Variants in LYPD6B observed in about 807,000 individuals in gnomAD.
LYPD6B encodes the protein LY6/PLAUR domain containing 6B, also known as ly6/PLAUR domain-containing protein 6B.
A neutral mutation model predicts 22.8 loss-of-function variants in LYPD6B; 17 were observed. The observed-to-expected ratio is 0.75, with a 90% CI of 0.51 to 1.12. The LOEUF is 1.12. Among genes scored for constraint, LYPD6B ranks in the 50% most tolerant of loss-of-function variants. The probability of loss-of-function intolerance (pLI) is 0.00; values close to 1 mark genes in which losing one functional copy is unlikely to be tolerated. For synonymous variants in LYPD6B, 106 were observed against 91.6 expected (o/e 1.16, Z -0.90); for missense variants, 221 against 258.3 (o/e 0.86, Z 0.99).
chr2:149,153,150 G>A (rs1227492719), intron 2 of LYPD6B, among the ~76,000 whole-genome samples: 1 of 152,202 alleles, frequency 6.6e-6, no homozygotes, highest in Non-Finnish European at 1.5e-5. Context: ...TTCTGTGTAA[G>A]ATATTAACAA....
chr2:149,118,974 C>T (rs562608828), intron 1 of LYPD6B: 4 of 152,054 alleles, frequency 2.6e-5, no homozygotes, highest in Admixed American at 1.3e-4. Context: ...AAATGTAATC[C>T]CAGATACAAA....
At chr2:149,087,295 C>G (rs1685445654) in intron 1 of LYPD6B, among the ~76,000 whole-genome samples, 1 of 152,124 alleles carries the variant, frequency 6.6e-6, no homozygotes, top group Non-Finnish European at 1.5e-5. Flanking sequence ...GTTAAGGAGT[C>G]ATCTATAATA....
At chr2:149,203,876 C>A (rs1448947627) in intron 3 of LYPD6B, among the ~76,000 whole-genome samples, 1 of 152,116 alleles carries the variant, frequency 6.6e-6, no homozygotes, top group African/African-American at 2.4e-5. Flanking sequence ...TTATTAGTGA[C>A]ACATGCAAAA....
chr2:149,142,748 T>C (rs424859), intron 2 of LYPD6B, among the ~76,000 whole-genome samples: 96,827 of 151,972 alleles, frequency 0.64, 30,949 homozygotes, highest in South Asian at 0.75. Flanking sequence ...AAGTGATCCT[T>C]CCATCTTAGC....
chr2:149,102,612 G>C (rs191555195), intron 1 of LYPD6B, among the ~76,000 whole-genome samples: 1 of 152,058 alleles, frequency 6.6e-6, no homozygotes, highest in African/African-American at 2.4e-5. Flanking sequence ...TTTTCTGCAA[G>C]GAAGAGTTTG....
chr2:149,077,806 TGTAAA>T (rs1409700335), intron 1 of LYPD6B, among the ~76,000 whole-genome samples: 3 of 152,196 alleles, frequency 2.0e-5, no homozygotes, highest in Non-Finnish European at 4.4e-5. Context: ...AATTTACTAA[TGTAAA>T]AACTGAAGTT....
intron 3 of LYPD6B, among the ~76,000 whole-genome samples, chr2:149,191,173 C>G (rs375449202): frequency 1.3e-5 from 2 of 152,048 alleles, no homozygotes; most frequent in South Asian, 4.2e-4. Flanking sequence ...GAGCAAACTC[C>G]AGATATATTA....
intron 1 of LYPD6B, among the ~76,000 whole-genome samples, chr2:149,080,419 T>C (rs1186412387): frequency 1.3e-5 from 2 of 152,188 alleles, no homozygotes; most frequent in African/African-American, 4.8e-5. Context: ...AACTATAACA[T>C]GTACATTTTG....
At position 149,215,193 on chromosome 2, in the gene LYPD6B, A is replaced by G. The variant is rs1694111234; in HGVS notation, c.*483A>G. The G allele has an allele frequency of 6.4e-6, 1 of 155,070 alleles. No individual in the cohort carries two copies. The highest frequency in any genetic ancestry group is 1.9e-4 in the East Asian group (1 of 5,334). 9.6% of individuals were successfully genotyped at this position (155,070 alleles called of 1,614,324 possible). On this transcript the variant is annotated 3_prime_UTR_variant, in exon 7 of 7. Transcript: ENST00000409642. ...AGGCAACTGTACGAAGAAAACTTCCAGTGGAACTAATATGAAATCTATTTG... is the reference window on the plus strand; with the variant it reads ...AGGCAACTGTACGAAGAAAACTTCCGGTGGAACTAATATGAAATCTATTTG...
chr2:149,166,622 G>A (rs941508077), intron 3 of LYPD6B, among the ~76,000 whole-genome samples: 1 of 152,112 alleles, frequency 6.6e-6, no homozygotes, highest in Non-Finnish European at 1.5e-5. Flanking sequence ...TCCCATCCTT[G>A]TCTCTTGACT....
chr2:149,085,243 T>C (rs1685334827), intron 1 of LYPD6B, among the ~76,000 whole-genome samples: 1 of 152,210 alleles, frequency 6.6e-6, no homozygotes, highest in Non-Finnish European at 1.5e-5. Flanking sequence ...GTGTTTGCAG[T>C]CCATGGGCCT....
chr2:149,084,977 G>A (rs938959608), intron 1 of LYPD6B, among the ~76,000 whole-genome samples: 19 of 152,256 alleles, frequency 1.2e-4, no homozygotes, highest in Non-Finnish European at 2.1e-4. Flanking sequence ...TCCAGAAGAA[G>A]TACAGACTAG....
chr2:149,053,174 A>G (rs555287665), intron 1 of LYPD6B, among the ~76,000 whole-genome samples: 10 of 152,236 alleles, frequency 6.6e-5, no homozygotes, highest in Non-Finnish European at 1.5e-4. Flanking sequence ...TCGTACATAC[A>G]TACATACATA....
intron 2 of LYPD6B, chr2:149,131,707 G>A (rs1332354771): frequency 6.6e-6 from 1 of 152,158 alleles, no homozygotes; most frequent in African/African-American, 2.4e-5. Flanking sequence ...ATGATCAAAG[G>A]ATGGAAAAGC....
intron 3 of LYPD6B, among the ~76,000 whole-genome samples, chr2:149,174,011 C>T (rs1691062794): frequency 6.6e-6 from 1 of 152,116 alleles, no homozygotes; most frequent in Admixed American, 6.6e-5. Context: ...AATATTGATG[C>T]CTCCTTTCCA....
intron 2 of LYPD6B, among the ~76,000 whole-genome samples, chr2:149,151,018 T>C (rs1689336547): frequency 6.6e-6 from 1 of 152,180 alleles, no homozygotes; most frequent in Admixed American, 6.5e-5. Flanking sequence ...GATGACATTT[T>C]TATCTTTTGA....
rs570038819 is a variant in LYPD6B at position 149,131,035 on chromosome 2, T to G, written c.5+82T>G. 3.3e-6 allele frequency: 3 copies of G among 913,570 alleles called. No homozygotes were observed. The Admixed American group carries it at 5.5e-5, about 17-fold the overall frequency. 56.6% of individuals were successfully genotyped at this position (913,570 alleles called of 1,614,324 possible). On this transcript the variant is annotated intron_variant, in intron 2 of 6. Coordinates refer to ENST00000409642, the MANE Select transcript of LYPD6B (RefSeq NM_177964.5). ...GCTTACCACATGAGCTACTCATGCTTCGCAAAAATATATTAAACATTTGTG... is the reference window on the plus strand; with the variant it reads ...GCTTACCACATGAGCTACTCATGCTGCGCAAAAATATATTAAACATTTGTG...
chr2:149,175,718 A>ATT (rs35640623), intron 3 of LYPD6B, among the ~76,000 whole-genome samples: 60 of 141,192 alleles, frequency 4.2e-4, no homozygotes, highest in South Asian at 4.2e-3. Flanking sequence ...TTAATTTTTA[A>ATT]TTTTTTTTTT....
chr2:149,131,748 T>A (rs1377159154), intron 2 of LYPD6B, among the ~76,000 whole-genome samples: 1 of 152,116 alleles, frequency 6.6e-6, no homozygotes, highest in Non-Finnish European at 1.5e-5. Flanking sequence ...CTTAAGTCAG[T>A]CTCTTGTGTG....
Sources: allele counts gnomAD v4.1 joint callset (sites outside exome capture counted in the v4.1 genomes callset), GRCh38; gene constraint gnomAD v4.1.1; transcripts MANE v1.5; gene names NCBI Gene and HGNC (gene_info 2026-07-23, HGNC 2026-07-21).